The following DVL3 variants were observed in gnomAD, a reference collection of about 807,000 sequenced individuals.
The protein encoded by DVL3 is dishevelled segment polarity protein 3, also known as segment polarity protein dishevelled homolog DVL-3.
Under a neutral mutation model 67.4 loss-of-function variants are expected in DVL3, and 27 were observed. The observed-to-expected ratio is 0.40, with a 90% CI of 0.30 to 0.55. The LOEUF (loss-of-function observed/expected upper bound fraction) is 0.55. Among genes scored for constraint, DVL3 ranks in the 20% least tolerant of loss-of-function variants. The pLI is 0.46. For missense variants in DVL3, 819 were observed against 1,021.5 expected (o/e 0.80, Z 2.70); for synonymous variants, 369 against 396.8 (o/e 0.93, Z 0.83).
Position 184,166,953 on chromosome 3 carries a change from C to G in DVL3, c.1176C>G (p.Thr392=). ...TCACCTCCACCAGCTCCTCCATCAC[C>G]AGTTCCATCCCTGACACAGAGCGTG... The part of the protein sequence containing the change: ...STITSTSSSI[T]SSIPDTERLD... Residue 392 remains threonine (T), a synonymous_variant, in exon 11 of 15, where the codon ACC becomes ACG. Coordinates refer to ENST00000313143, the MANE Select transcript of DVL3 (RefSeq NM_004423.4). The surrounding 1 kb of genome is among the most constrained non-coding windows in gnomAD (Gnocchi z 6.7). The G allele has an allele frequency of 6.2e-7, 1 of 1,614,140 alleles. No individual in the cohort carries two copies. Among genetic ancestry groups the G allele is most frequent in the Admixed American group, 1.7e-5 (1 of 60,022 alleles).
Position 184,155,859 on chromosome 3 carries a change from C to T in DVL3, c.161+63C>T. Reference sequence around the variant, plus strand: ...CCGCTCTGGCTTCTAAGGGATGACGCGGTCCGTTTCGACTTGCCTCGCTAC... The same window carrying T: ...CCGCTCTGGCTTCTAAGGGATGACGTGGTCCGTTTCGACTTGCCTCGCTAC... On this transcript the variant is annotated intron_variant, in intron 1 of 14. Transcript: ENST00000313143. This position sits in a 1 kb window ranked among gnomAD's most constrained non-coding sequence, Gnocchi z 5.4. The T allele has an allele frequency of 9.8e-6, 15 of 1,527,560 alleles. No individual in the cohort carries two copies. Among genetic ancestry groups the T allele is most frequent in the Non-Finnish European group, 1.2e-5 (14 of 1,134,772 alleles). 94.6% of individuals were successfully genotyped at this position (1,527,560 alleles called of 1,614,324 possible).
rs1186551679 is a variant in DVL3, at chr3:184,164,061, C to T, written c.232-206C>T. Among the ~76,000 whole-genome samples the T allele has an allele frequency of 2.0e-5, 3 of 152,134 alleles. No individual in the cohort carries two copies. Among genetic ancestry groups the T allele is most frequent in the Non-Finnish European group, 4.4e-5 (3 of 68,026 alleles). Reference sequence around the variant, plus strand: ...TCTTTGTCCCCATTCCACTTCACCACCCCATGCCTTCCAACAACCCCGTCA... The same window carrying T: ...TCTTTGTCCCCATTCCACTTCACCATCCCATGCCTTCCAACAACCCCGTCA... On this transcript the variant is annotated intron_variant, in intron 2 of 14. Coordinates refer to ENST00000313143, the MANE Select transcript of DVL3 (RefSeq NM_004423.4). The surrounding 1 kb of genome is among the most constrained non-coding windows in gnomAD (Gnocchi z 5.3).
At position 184,164,526 on chromosome 3, in the gene DVL3, G is replaced by C. The variant is rs768776179; in HGVS notation, c.388G>C (p.Asp130His). 1.3e-6 allele frequency: 2 copies of C among 1,591,198 alleles called. No individual in the cohort carries two copies. The highest frequency in any genetic ancestry group is 2.2e-5 in the East Asian group (1 of 44,670). ...HAGGGSQENL[D>H]NDTETDSLVS... ...TGGTGGGGGCAGCCAGGAGAACCTG[G>C]ACAATGACACAGAGACGGACTCTTT... is the stretch of plus-strand genomic sequence containing the variant. Residue 130 changes from aspartate to histidine, a missense_variant, in exon 4 of 15, where the codon GAC (aspartate) becomes CAC (histidine). This residue lies in a region of DVL3 where 385 missense variants were observed against 486.8 expected (regional missense o/e 0.79). Coordinates refer to ENST00000313143, the MANE Select transcript of DVL3 (RefSeq NM_004423.4). This position sits in a 1 kb window ranked among gnomAD's most constrained non-coding sequence, Gnocchi z 5.3.
chr3:184,171,356 A>G lies in DVL3; in HGVS notation c.*601A>G. The stretch of plus-strand genomic sequence containing the variant: ...ATCCATGCCATCCCTGCCTGTGCCT[A>G]GATCAGAGGCCCAGAGGGCCCCCTC... On this transcript the variant is annotated 3_prime_UTR_variant, in exon 15 of 15. Transcript: ENST00000313143. 9.9e-7 allele frequency: 1 copy of G among 1,007,010 alleles called. No homozygotes were observed. Among genetic ancestry groups the G allele is most frequent in the South Asian group, 4.1e-5 (1 of 24,598 alleles). 62.4% of individuals were successfully genotyped at this position (1,007,010 alleles called of 1,614,324 possible). A position where few individuals can be genotyped will look rare whatever the true frequency, so the allele number is the denominator to read the frequency against.
At chr3:184,156,774 C>T (rs1577043426) in intron 1 of DVL3, 2 of 284,714 alleles carry the variant, frequency 7.0e-6, no homozygotes, top group East Asian at 1.9e-4. Flanking sequence ...GAGGCGCCCA[C>T]ACTTGCCTGC....
In DVL3 at chr3:184,168,397, G is replaced by A. The variant is rs1560119998; in HGVS notation, c.1498+332G>A. On this transcript the variant is annotated intron_variant, in intron 13 of 14. Coordinates refer to ENST00000313143, the MANE Select transcript of DVL3 (RefSeq NM_004423.4). ...AGAATAGGCCTTTTCCTTCTCACTC[G>A]TCAAGGTCTCAGCTAGGGTGTTGTA... 2.0e-5 allele frequency among the ~76,000 whole-genome samples: 3 copies of A among 152,294 alleles called. No individual in the cohort carries two copies. The South Asian group carries it at 6.2e-4, about 32-fold the overall frequency.
At chr3:184,160,884 G>T (rs550016418) in intron 1 of DVL3, among the ~76,000 whole-genome samples, 1 of 152,204 alleles carries the variant, frequency 6.6e-6, no homozygotes, top group Non-Finnish European at 1.5e-5. Context: ...AGAGTGGCTG[G>T]TGGGTCTGAG....
Position 184,164,861 on chromosome 3 carries a change from T to C in DVL3, c.529T>C (p.Ser177Pro). Residue 177 changes from serine (S) to proline (P), a missense_variant, in exon 5 of 15, where the codon TCC (serine) becomes CCC (proline). This residue lies in a region of DVL3 where 385 missense variants were observed against 486.8 expected (regional missense o/e 0.79). Coordinates refer to ENST00000313143, the MANE Select transcript of DVL3 (RefSeq NM_004423.4). This position sits in a 1 kb window ranked among gnomAD's most constrained non-coding sequence, Gnocchi z 5.3. Reference protein sequence around the residue: ...RREPGGYDSSSTLMSSELETT... With the variant: ...RREPGGYDSSPTLMSSELETT... ...AGAACCAGGGGGTTATGATAGCTCA[T>C]CCACCCTTATGAGCAGTGAGCTGGA... 6.2e-7 allele frequency: 1 copy of C among 1,614,152 alleles called. No homozygotes were observed. Among genetic ancestry groups the C allele is most frequent in the Non-Finnish European group, 8.5e-7 (1 of 1,180,022 alleles).
Position 184,164,611 on chromosome 3 carries a change from C to T in DVL3, c.463+10C>T, listed in dbSNP as rs1709641. On this transcript the variant is annotated intron_variant, in intron 4 of 14. Transcript: ENST00000313143. The surrounding 1 kb of genome is among the most constrained non-coding windows in gnomAD (Gnocchi z 5.3). The stretch of plus-strand genomic sequence containing the variant: ...GATGGCCCAGAGCATGGTATATCTT[C>T]CTGAACACGGACACTGTCCGCACCT... The T allele has an allele frequency of 1.3e-6, 2 of 1,549,840 alleles. No homozygotes were observed. The highest frequency in any genetic ancestry group is 1.4e-5 in the African/African-American group (1 of 73,280).
Position 184,170,538 on chromosome 3 carries a change from G to A in DVL3, c.1934G>A (p.Arg645His), listed in dbSNP as rs749291784. Residue 645 changes from arginine (R) to histidine (H), a missense_variant, in exon 15 of 15, where the codon CGC becomes CAC. Physicochemically the swap from Arg to His is conservative, Grantham distance 29. Transcript: ENST00000313143. The surrounding 1 kb of genome is among the most constrained non-coding windows in gnomAD (Gnocchi z 6.5). ...CACCATTCCCTGGCCAGCAGCCTTC[G>A]CAGCCACCACACACACCCGAGCTAC... is the stretch of plus-strand genomic sequence containing the variant. ...RSHHSLASSLRSHHTHPSYGP... is the reference protein window; with the variant it reads ...RSHHSLASSLHSHHTHPSYGP... 4 of 1,611,554 alleles carry A rather than the reference G, an allele frequency of 2.5e-6. No individual in the cohort carries two copies. In the East Asian group the frequency reaches 6.7e-5, roughly 27 times the overall value.
intron 1 of DVL3, among the ~76,000 whole-genome samples, chr3:184,156,104 C>G (rs1008246742): frequency 6.6e-6 from 1 of 152,152 alleles, no homozygotes; most frequent in East Asian, 1.9e-4. Flanking sequence ...GACACACCCC[C>G]CCTCCACCTA....
Position 184,165,743 on chromosome 3 carries a change from C to T in DVL3, c.763+252C>T, listed in dbSNP as rs992663392. On this transcript the variant is annotated intron_variant, in intron 7 of 14. Coordinates refer to ENST00000313143, the MANE Select transcript of DVL3 (RefSeq NM_004423.4). This position sits in a 1 kb window ranked among gnomAD's most constrained non-coding sequence, Gnocchi z 4.1. ...AGGAAGTGATTTCTGAGTGCCCACTCCTTCACATCTCTCAGCCATTGCATC... is the reference window on the plus strand; with the variant it reads ...AGGAAGTGATTTCTGAGTGCCCACTTCTTCACATCTCTCAGCCATTGCATC... Among the ~76,000 whole-genome samples, 1 of 152,212 alleles carries T rather than the reference C, an allele frequency of 6.6e-6. No individual in the cohort carries two copies. The highest frequency in any genetic ancestry group is 1.5e-5 in the Non-Finnish European group (1 of 68,040).
Position 184,155,479 on chromosome 3 carries a change from A to C in DVL3, c.-157A>C. 5.1e-5 allele frequency: 10 copies of C among 196,066 alleles called. No homozygotes were observed. The highest frequency in any genetic ancestry group is 8.9e-5 in the Non-Finnish European group (10 of 112,240). The allele number at this position is 196,066 out of a possible 1,614,324, so 12.1% of individuals were successfully genotyped here. ...CGCGGCGGCGGCGGGCGGCGCTGGG[A>C]CCCGGTAGCGGCCGGAGAACAAGGG... On this transcript the variant is annotated 5_prime_UTR_variant, in exon 1 of 15. Coordinates refer to ENST00000313143, the MANE Select transcript of DVL3 (RefSeq NM_004423.4). This position sits in a 1 kb window ranked among gnomAD's most constrained non-coding sequence, Gnocchi z 5.4.
intron 1 of DVL3, among the ~76,000 whole-genome samples, chr3:184,160,830 C>T (rs1714354623): frequency 1.3e-5 from 2 of 152,224 alleles, no homozygotes; most frequent in Non-Finnish European, 2.9e-5. Context: ...ATTCCCTTTT[C>T]CTTTGAGCCC....
chr3:184,169,701 G>A (rs773620010), intron 13 of DVL3, among the ~76,000 whole-genome samples: 21 of 152,166 alleles, frequency 1.4e-4, no homozygotes, highest in Admixed American at 1.3e-4. Context: ...GAGTTTTGCC[G>A]CTTCTAGCCC....
In DVL3 at chr3:184,166,634, T is replaced by C; in HGVS notation, c.1009T>C (p.Trp337Arg). ...GPITLTVAKCWDPSPRGCFTL... is the reference protein window; with the variant it reads ...GPITLTVAKCRDPSPRGCFTL... ...CATCACCCTGACTGTAGCCAAGTGC[T>C]GGGACCCAAGTCCACGTGGTTGCTT... Residue 337 changes from tryptophan to arginine, a missense_variant, in exon 10 of 15, where the codon TGG becomes CGG. Transcript: ENST00000313143. The surrounding 1 kb of genome is among the most constrained non-coding windows in gnomAD (Gnocchi z 6.7). The C allele has an allele frequency of 6.2e-7, 1 of 1,614,216 alleles. No homozygotes were observed. The highest frequency in any genetic ancestry group is 8.5e-7 in the Non-Finnish European group (1 of 1,180,028).
In DVL3 at chr3:184,170,509, C is replaced by CAGCCACCAT; in HGVS notation, c.1906_1914dup (p.His637_Ser639dup). The CAGCCACCAT allele has an allele frequency of 1.2e-6, 2 of 1,605,804 alleles. No homozygotes were observed. The highest frequency in any genetic ancestry group is 1.7e-6 in the Non-Finnish European group (2 of 1,176,146). ...CGGCGGCCAGCGAGCACAGCCACCG[C>CAGCCACCAT]AGCCACCATTCCCTGGCCAGCAGCC... On this transcript the variant is annotated inframe_insertion, in exon 15 of 15. Coordinates refer to ENST00000313143, the MANE Select transcript of DVL3 (RefSeq NM_004423.4). This position sits in a 1 kb window ranked among gnomAD's most constrained non-coding sequence, Gnocchi z 6.5.
At chr3:184,169,288 A>G (rs943881575) in intron 13 of DVL3, among the ~76,000 whole-genome samples, 6 of 152,212 alleles carry the variant, frequency 3.9e-5, no homozygotes, top group Admixed American at 1.3e-4. Flanking sequence ...AGTGTTCGCT[A>G]TTGTGCCTCA....
In DVL3 at chr3:184,164,417, C is replaced by T. The variant is rs563100903; in HGVS notation, c.353+29C>T. ...AGTGTGACCTGAGGGTGGGGAGGGC[C>T]GCATCAGTTCAGCCCAGGGCTGGGG... On this transcript the variant is annotated intron_variant, in intron 3 of 14. Transcript: ENST00000313143. This position sits in a 1 kb window ranked among gnomAD's most constrained non-coding sequence, Gnocchi z 5.3. 1.6e-4 allele frequency: 256 copies of T among 1,610,232 alleles called. 1 individual carries two copies. In the Middle Eastern group the frequency reaches 1.8e-3, roughly 11 times the overall value.
Sources: allele counts gnomAD v4.1 joint callset (sites outside exome capture counted in the v4.1 genomes callset), GRCh38; gene constraint gnomAD v4.1.1; regional missense constraint gnomAD v4.1.1; non-coding constraint Gnocchi (gnomAD v3.1); transcripts MANE v1.5; gene names NCBI Gene and HGNC (gene_info 2026-07-23, HGNC 2026-07-21).